The following ARTN variants were observed in gnomAD, a reference collection of about 807,000 sequenced individuals.
The protein encoded by ARTN is neublastin.
Under a neutral mutation model 15.4 loss-of-function variants are expected in ARTN, and 9 were observed. The observed-to-expected ratio is 0.58, with a 90% CI of 0.35 to 1.02. The LOEUF is 1.02. Ranked by LOEUF, ARTN falls within the 50% of genes least tolerant of loss-of-function variation. The pLI is 0.02. For missense variants in ARTN, 284 were observed against 327.9 expected, an observed-to-expected ratio of 0.87 and a Z score of 1.03; for synonymous variants, 163 against 155.8, an observed-to-expected ratio of 1.05 and a Z score of -0.35.
At chr1:43,935,832 G>A (rs1351631020) in intron 3 of ARTN, 116 bp downstream of exon 3, 1 of 1,063,544 alleles carries the variant, frequency 9.4e-7, no homozygotes, top group Non-Finnish European at 1.4e-6. Flanking sequence ...AATGGTCAGG[G>A]AGGGACCAGG....
At position 43,936,432 on chromosome 1, in the gene ARTN, C is replaced by G; in HGVS notation, c.330C>G (p.Gly110=). 1 of 1,134,252 alleles carries G rather than the reference C, an allele frequency of 8.8e-7. No homozygotes were observed. 70.3% of individuals were successfully genotyped at this position (1,134,252 alleles called of 1,614,324 possible). A position where few individuals can be genotyped will look rare whatever the true frequency, so the allele number is the denominator to read the frequency against. Residue 110 remains glycine, a synonymous_variant, in exon 5 of 5, where the codon GGC becomes GGG. Transcript: ENST00000372359. The surrounding 1 kb of genome is among the most constrained non-coding windows in gnomAD (Gnocchi z 6.6). ...GGGGCCGCGCGGCGCGGGCTGGGGG[C>G]CCGGGCAGCCGCGCTCGGGCAGCGG... ...PRGGRAARAG[G]PGSRARAAGA...
rs1211771400 is a variant in ARTN at position 43,936,356 on chromosome 1, C to T, written c.254C>T (p.Pro85Leu). 1.5e-5 allele frequency: 19 copies of T among 1,308,902 alleles called. No individual in the cohort carries two copies. The highest frequency in any genetic ancestry group is 1.7e-5 in the Non-Finnish European group (18 of 1,034,524). 81.1% of individuals were successfully genotyped at this position (1,308,902 alleles called of 1,614,324 possible). Residue 85 changes from proline (P) to leucine (L), a missense_variant, in exon 5 of 5, where the codon CCT becomes CTT. Transcript: ENST00000372359. The surrounding 1 kb of genome is among the most constrained non-coding windows in gnomAD (Gnocchi z 6.6). ...AGAGCCCGGCGGCCGCCGCCGCAGC[C>T]TTCTCGGCCCGCGCCCCCGCCGCCT... ...SGRARRPPPQ[P>L]SRPAPPPPAP... is the part of the protein sequence containing the mutation.
chr1:43,935,706 C>G lies in ARTN; in HGVS notation c.50C>G (p.Pro17Arg). The G allele has an allele frequency of 6.2e-7, 1 of 1,612,616 alleles. No individual in the cohort carries two copies. Among genetic ancestry groups the G allele is most frequent in the Non-Finnish European group, 8.5e-7 (1 of 1,179,356 alleles). The change falls in exon 3 of 5, where the codon CCT becomes CGT. Residue 17 changes from proline (P) to arginine (R), a missense_variant. Pro to Arg is a moderately radical substitution (Grantham distance 103). Coordinates refer to ENST00000372359, the MANE Select transcript of ARTN (RefSeq NM_057091.3). Reference sequence around the variant, plus strand: ...TCCACGCTGTCCCACTGCCCCTGGCCTAGGCAGCAGGTGAGTGGTTCTCCC... The same window carrying G: ...TCCACGCTGTCCCACTGCCCCTGGCGTAGGCAGCAGGTGAGTGGTTCTCCC... Reference protein sequence around the residue: ...GLSTLSHCPWPRQQPALWPTL... With the variant: ...GLSTLSHCPWRRQQPALWPTL...
chr1:43,936,703 G>A lies in ARTN; in HGVS notation c.601G>A (p.Val201Ile), dbSNP rs759642007. The stretch of plus-strand genomic sequence containing the variant: ...CTACGAAGCGGTCTCCTTCATGGAC[G>A]TCAACAGCACCTGGAGAACCGTGGA... Reference protein sequence around the residue: ...TRYEAVSFMDVNSTWRTVDRL... With the variant: ...TRYEAVSFMDINSTWRTVDRL... The change falls in exon 5 of 5, where the codon GTC becomes ATC. Residue 201 changes from valine (V) to isoleucine (I), a missense_variant. Transcript: ENST00000372359. The surrounding 1 kb of genome is among the most constrained non-coding windows in gnomAD (Gnocchi z 6.6). The A allele has an allele frequency of 4.4e-6, 7 of 1,588,194 alleles. No homozygotes were observed. Among genetic ancestry groups the A allele is most frequent in the Non-Finnish European group, 5.1e-6 (6 of 1,165,968 alleles).
rs2085096300 is a variant in ARTN at position 43,936,366 on chromosome 1, C to CG, written c.265dup (p.Ala89GlyfsTer160). Reference sequence around the variant, plus strand: ...GGCCGCCGCCGCAGCCTTCTCGGCCCGCGCCCCCGCCGCCTGCACCCCCAT... The same window carrying CG: ...GGCCGCCGCCGCAGCCTTCTCGGCCCGGCGCCCCCGCCGCCTGCACCCCCAT... On this transcript the variant is annotated frameshift_variant, in exon 5 of 5. Transcript: ENST00000372359. LOFTEE classifies it high-confidence loss of function. The surrounding 1 kb of genome is among the most constrained non-coding windows in gnomAD (Gnocchi z 6.6). 1 of 1,295,080 alleles carries CG rather than the reference C, an allele frequency of 7.7e-7. No individual in the cohort carries two copies. Among genetic ancestry groups the CG allele is most frequent in the Admixed American group, 4.2e-5 (1 of 23,868 alleles). The allele number at this position is 1,295,080 out of a possible 1,614,324, so 80.2% of individuals were successfully genotyped here.
Position 43,936,815 on chromosome 1 carries a change from T to C in ARTN, c.*50T>C. 7.2e-7 allele frequency: 1 copy of C among 1,381,064 alleles called. No individual in the cohort carries two copies. The highest frequency in any genetic ancestry group is 1.8e-5 in the South Asian group (1 of 56,324). 85.6% of individuals were successfully genotyped at this position (1,381,064 alleles called of 1,614,324 possible). ...CTGGACCCTTACCGGTGGCTCTTCC[T>C]GCCTGGGACCCTCCCGCAGAGTCCC... On this transcript the variant is annotated 3_prime_UTR_variant, in exon 5 of 5. Coordinates refer to ENST00000372359, the MANE Select transcript of ARTN (RefSeq NM_057091.3). This position sits in a 1 kb window ranked among gnomAD's most constrained non-coding sequence, Gnocchi z 6.6.
In ARTN at chr1:43,936,486, G is replaced by A; in HGVS notation, c.384G>A (p.Gln128=). The change falls in exon 5 of 5, where the codon CAG becomes CAA. Residue 128 remains glutamine, a synonymous_variant. Coordinates refer to ENST00000372359, the MANE Select transcript of ARTN (RefSeq NM_057091.3). This position sits in a 1 kb window ranked among gnomAD's most constrained non-coding sequence, Gnocchi z 6.6. The stretch of plus-strand genomic sequence containing the variant: ...CGCGGGGCTGCCGCCTGCGCTCGCA[G>A]CTGGTGCCGGTGCGCGCGCTCGGCC... ...AGARGCRLRS[Q]LVPVRALGLG... 1.5e-6 allele frequency: 2 copies of A among 1,324,198 alleles called. No homozygotes were observed. Among genetic ancestry groups the A allele is most frequent in the Non-Finnish European group, 1.9e-6 (2 of 1,037,470 alleles). The allele number at this position is 1,324,198 out of a possible 1,614,324, so 82.0% of individuals were successfully genotyped here.
chr1:43,935,210 G>A (rs1043774568), intron 2 of ARTN: 1 of 174,208 alleles, frequency 5.7e-6, no homozygotes, highest in African/African-American at 2.4e-5. Flanking sequence ...AGCCTGGGGT[G>A]AAGGCCTCTG....
In ARTN at chr1:43,937,102, G is replaced by GC. The variant is rs1438496783; in HGVS notation, c.*342dup. The stretch of plus-strand genomic sequence containing the variant: ...GAACACTACAGTGGCTGAGGCATCA[G>GC]CCCCCGCCCAGGCCCTGTAGGGACA... On this transcript the variant is annotated 3_prime_UTR_variant, in exon 5 of 5. Coordinates refer to ENST00000372359, the MANE Select transcript of ARTN (RefSeq NM_057091.3). The GC allele has an allele frequency of 8.2e-6, 2 of 244,104 alleles. No homozygotes were observed. 15.1% of individuals were successfully genotyped at this position (244,104 alleles called of 1,614,324 possible). A position where few individuals can be genotyped will look rare whatever the true frequency, so the allele number is the denominator to read the frequency against.
chr1:43,936,450 G>A lies in ARTN; in HGVS notation c.348G>A (p.Arg116=). ...CTGGGGGCCCGGGCAGCCGCGCTCG[G>A]GCAGCGGGGGCGCGGGGCTGCCGCC... is the stretch of plus-strand genomic sequence containing the variant. ...ARAGGPGSRA[R]AAGARGCRLR... is the part of the protein sequence containing the mutation. Residue 116 remains arginine (R), a synonymous_variant, in exon 5 of 5, where the codon CGG becomes CGA. Coordinates refer to ENST00000372359, the MANE Select transcript of ARTN (RefSeq NM_057091.3). This position sits in a 1 kb window ranked among gnomAD's most constrained non-coding sequence, Gnocchi z 6.6. 1.7e-6 allele frequency: 2 copies of A among 1,155,790 alleles called. No homozygotes were observed. Among genetic ancestry groups the A allele is most frequent in the Non-Finnish European group, 2.1e-6 (2 of 940,318 alleles). The allele number at this position is 1,155,790 out of a possible 1,614,324, so 71.6% of individuals were successfully genotyped here.
Position 43,936,875 on chromosome 1 carries a change from C to G in ARTN, c.*110C>G. Reference sequence around the variant, plus strand: ...CGGCCTCAGCCAGGGACGAAGGCCTCAAAGCTGAGAGGCCCCTGCCGGTGG... The same window carrying G: ...CGGCCTCAGCCAGGGACGAAGGCCTGAAAGCTGAGAGGCCCCTGCCGGTGG... On this transcript the variant is annotated 3_prime_UTR_variant, in exon 5 of 5. Coordinates refer to ENST00000372359, the MANE Select transcript of ARTN (RefSeq NM_057091.3). The surrounding 1 kb of genome is among the most constrained non-coding windows in gnomAD (Gnocchi z 6.6). 1 of 1,304,108 alleles carries G rather than the reference C, an allele frequency of 7.7e-7. No homozygotes were observed. Among genetic ancestry groups the G allele is most frequent in the Non-Finnish European group, 9.8e-7 (1 of 1,020,310 alleles). The allele number at this position is 1,304,108 out of a possible 1,614,324, so 80.8% of individuals were successfully genotyped here.
At chr1:43,934,698 A>C (rs1271820079) in intron 2 of ARTN, among the ~76,000 whole-genome samples, 1 of 152,182 alleles carries the variant, frequency 6.6e-6, no homozygotes. Flanking sequence ...ATCAGGAACG[A>C]TGGCTCAAGG....
Position 43,936,343 on chromosome 1 carries a change from C to CCGCCGCCGCAGCCTTCTCGGCCCG in ARTN, c.246_269dup (p.Gln84_Pro91dup). ...CTGGTGCAGTGGAAGAGCCCGGCGG[C>CCGCCGCCGCAGCCTTCTCGGCCCG]CGCCGCCGCAGCCTTCTCGGCCCGC... On this transcript the variant is annotated inframe_insertion, in exon 5 of 5. Transcript: ENST00000372359. The surrounding 1 kb of genome is among the most constrained non-coding windows in gnomAD (Gnocchi z 6.6). 1 of 1,327,026 alleles carries CCGCCGCCGCAGCCTTCTCGGCCCG rather than the reference C, an allele frequency of 7.5e-7. No individual in the cohort carries two copies. Among genetic ancestry groups the CCGCCGCCGCAGCCTTCTCGGCCCG allele is most frequent in the Non-Finnish European group, 9.6e-7 (1 of 1,044,988 alleles). 82.2% of individuals were successfully genotyped at this position (1,327,026 alleles called of 1,614,324 possible). A position where few individuals can be genotyped will look rare whatever the true frequency, so the allele number is the denominator to read the frequency against.
Position 43,936,354 on chromosome 1 carries a change from G to A in ARTN, c.252G>A (p.Gln84=), listed in dbSNP as rs980904138. 2.5e-5 allele frequency: 33 copies of A among 1,308,848 alleles called. No individual in the cohort carries two copies. The African/African-American group carries it at 5.0e-4, about 20-fold the overall frequency. The allele number at this position is 1,308,848 out of a possible 1,614,324, so 81.1% of individuals were successfully genotyped here. The change falls in exon 5 of 5, where the codon CAG becomes CAA. Residue 84 remains glutamine (Q), a synonymous_variant. Coordinates refer to ENST00000372359, the MANE Select transcript of ARTN (RefSeq NM_057091.3). This position sits in a 1 kb window ranked among gnomAD's most constrained non-coding sequence, Gnocchi z 6.6. The part of the protein sequence containing the change: ...CSGRARRPPP[Q]PSRPAPPPPA... The stretch of plus-strand genomic sequence containing the variant: ...GAAGAGCCCGGCGGCCGCCGCCGCA[G>A]CCTTCTCGGCCCGCGCCCCCGCCGC...
rs12737332 is a variant in ARTN, at chr1:43,936,092, G to C, written c.61-1G>C. 6.2e-7 allele frequency: 1 copy of C among 1,611,984 alleles called. No individual in the cohort carries two copies. The highest frequency in any genetic ancestry group is 8.5e-7 in the Non-Finnish European group (1 of 1,179,940). On this transcript the variant is annotated splice_acceptor_variant, in intron 3 of 4. Transcript: ENST00000372359. LOFTEE classifies it high-confidence loss of function. The surrounding 1 kb of genome is among the most constrained non-coding windows in gnomAD (Gnocchi z 6.6). ...AGGCTCCACTTGGTCTCTCCGCGCA[G>C]CCTGCCCTGTGGCCCACCCTGGCCG...
chr1:43,936,600 C>T lies in ARTN; in HGVS notation c.498C>T (p.Ala166=), dbSNP rs1245916736. The T allele has an allele frequency of 3.1e-6, 5 of 1,590,006 alleles. No homozygotes were observed. The highest frequency in any genetic ancestry group is 1.7e-5 in the Admixed American group (1 of 58,074). Residue 166 remains alanine, a synonymous_variant, in exon 5 of 5, where the codon GCC becomes GCT. Transcript: ENST00000372359. This position sits in a 1 kb window ranked among gnomAD's most constrained non-coding sequence, Gnocchi z 6.6. ...RARSPHDLSL[A]SLLGAGALRP... is the part of the protein sequence containing the mutation. Reference sequence around the variant, plus strand: ...GCTCTCCACACGACCTCAGCCTGGCCAGCCTACTGGGCGCCGGGGCCCTGC... The same window carrying T: ...GCTCTCCACACGACCTCAGCCTGGCTAGCCTACTGGGCGCCGGGGCCCTGC...
chr1:43,936,566 G>A lies in ARTN; in HGVS notation c.464G>A (p.Arg155His), dbSNP rs865966195. ...TTCCGCTTCTGCAGCGGCTCCTGCCGCCGCGCGCGCTCTCCACACGACCTC... is the reference window on the plus strand; with the variant it reads ...TTCCGCTTCTGCAGCGGCTCCTGCCACCGCGCGCGCTCTCCACACGACCTC... ...VRFRFCSGSCRRARSPHDLSL... is the reference protein window; with the variant it reads ...VRFRFCSGSCHRARSPHDLSL... The change falls in exon 5 of 5, where the codon CGC becomes CAC. Residue 155 changes from arginine (R) to histidine (H), a missense_variant. Arg to His is a conservative substitution (Grantham distance 29). Coordinates refer to ENST00000372359, the MANE Select transcript of ARTN (RefSeq NM_057091.3). This position sits in a 1 kb window ranked among gnomAD's most constrained non-coding sequence, Gnocchi z 6.6. 2 of 1,554,136 alleles carry A rather than the reference G, an allele frequency of 1.3e-6. No individual in the cohort carries two copies. The highest frequency in any genetic ancestry group is 2.5e-5 in the East Asian group (1 of 39,518).
Position 43,934,225 on chromosome 1 carries a change from A to C in ARTN, c.-103A>C, listed in dbSNP as rs996202806. Reference sequence around the variant, plus strand: ...GGGAGAGCCCAGCACTGGTCCCCGGAAAGGTGCCTAGAAGAACAAGGTGCA... The same window carrying C: ...GGGAGAGCCCAGCACTGGTCCCCGGCAAGGTGCCTAGAAGAACAAGGTGCA... On this transcript the variant is annotated 5_prime_UTR_variant, in exon 2 of 5. Coordinates refer to ENST00000372359, the MANE Select transcript of ARTN (RefSeq NM_057091.3). 4 of 153,066 alleles carry C rather than the reference A, an allele frequency of 2.6e-5. No homozygotes were observed. Among genetic ancestry groups the C allele is most frequent in the Non-Finnish European group, 5.8e-5 (4 of 68,384 alleles). The allele number at this position is 153,066 out of a possible 1,614,324, so 9.5% of individuals were successfully genotyped here.
Position 43,936,312 on chromosome 1 carries a change from G to T in ARTN, c.210G>T (p.Thr70=). ...TGGGTCTCATTCCAGGGGGACGCACGGCCCGCTGGTGCAGTGGAAGAGCCC... is the reference window on the plus strand; with the variant it reads ...TGGGTCTCATTCCAGGGGGACGCACTGCCCGCTGGTGCAGTGGAAGAGCCC... ...SPAGHLPGGR[T]ARWCSGRARR... Residue 70 remains threonine, a synonymous_variant, in exon 5 of 5, where the codon ACG becomes ACT. Coordinates refer to ENST00000372359, the MANE Select transcript of ARTN (RefSeq NM_057091.3). The surrounding 1 kb of genome is among the most constrained non-coding windows in gnomAD (Gnocchi z 6.6). 7.3e-7 allele frequency: 1 copy of T among 1,362,872 alleles called. No individual in the cohort carries two copies. The allele number at this position is 1,362,872 out of a possible 1,614,324, so 84.4% of individuals were successfully genotyped here.
Sources: gnomAD v4.1 joint callset for allele counts (sites outside exome capture counted in the v4.1 genomes callset) on GRCh38, gnomAD v4.1.1 for gene constraint, Gnocchi (gnomAD v3.1) non-coding constraint, MANE v1.5 for transcripts, NCBI Gene and HGNC (gene_info 2026-07-23, HGNC 2026-07-21) for gene names.